Variants in ABCC4 observed in about 807,000 individuals in gnomAD.
ABCC4 encodes the protein ATP binding cassette subfamily C member 4 (PEL blood group), also known as ATP-binding cassette sub-family C member 4.
ABCC4 carries 102 observed loss-of-function variants against 168.5 expected under a neutral mutation model. The ratio of observed to expected loss-of-function variants is 0.61; its 90% CI spans 0.52 to 0.71. ABCC4 has a LOEUF of 0.71. ABCC4 is among the 30% of genes least tolerant of loss of function. The pLI is 0.00. For missense variants in ABCC4, 1,402 were observed against 1,605.8 expected, an observed-to-expected ratio of 0.87 and a Z score of 2.17; for synonymous variants, 617 against 590.7, an observed-to-expected ratio of 1.04 and a Z score of -0.65.
chr13:95,279,526 C>T (rs992297292), intron 1 of ABCC4, among the ~76,000 whole-genome samples: 13 of 152,164 alleles, frequency 8.5e-5, no homozygotes, highest in African/African-American at 2.9e-4. Flanking sequence ...AAGTCTCAAC[C>T]GGTCCTAGAG....
rs764185727 is a variant in ABCC4 at position 95,105,271 on chromosome 13, G to A, written c.2535+10651C>T. On this transcript the variant is annotated intron_variant, in intron 20 of 30. Coordinates refer to ENST00000645237, the MANE Select transcript of ABCC4 (RefSeq NM_005845.5). ...CAGGAGGCAGAGGTCAGGCGGTAAC[G>A]TGAGTGATGGGGAGCAAGCTTTGTT... is the stretch of plus-strand genomic sequence containing the variant. 2.6e-5 allele frequency among the ~76,000 whole-genome samples: 4 copies of A among 152,030 alleles called. No individual in the cohort carries two copies. In the East Asian group the frequency reaches 5.8e-4, roughly 22 times the overall value.
intron 20 of ABCC4, among the ~76,000 whole-genome samples, chr13:95,104,787 G>A (rs930671228): frequency 1.3e-5 from 2 of 152,156 alleles, no homozygotes; most frequent in African/African-American, 2.4e-5. Flanking sequence ...AATGGGGTCC[G>A]CCAGAGGCAG....
chr13:95,173,693 G>A (rs139840762), intron 13 of ABCC4, among the ~76,000 whole-genome samples: 1 of 152,190 alleles, frequency 6.6e-6, no homozygotes, highest in Non-Finnish European at 1.5e-5. Flanking sequence ...GAGTCCTAGA[G>A]GACCTGAAAG....
At chr13:95,251,337 CTCCTCTT>C (rs2040253734) in intron 1 of ABCC4, among the ~76,000 whole-genome samples, 1 of 152,108 alleles carries the variant, frequency 6.6e-6, no homozygotes, top group African/African-American at 2.4e-5. Context: ...TTCTCTTCTC[CTCCTCTT>C]TCCTGACCTT....
chr13:95,080,177 T>C (rs1259913570), intron 21 of ABCC4, among the ~76,000 whole-genome samples: 1 of 152,162 alleles, frequency 6.6e-6, no homozygotes, highest in East Asian at 1.9e-4. Context: ...ACACATGGGT[T>C]CACACTCATG....
chr13:95,237,922 C>T (rs2039819579), intron 3 of ABCC4, among the ~76,000 whole-genome samples: 1 of 151,954 alleles, frequency 6.6e-6, no homozygotes, highest in Non-Finnish European at 1.5e-5. Flanking sequence ...CAGCCAGGCG[C>T]GGTGGCTCCC....
At chr13:95,071,594 G>T in intron 25 of ABCC4, 68 bp downstream of exon 25, 1 of 1,315,258 alleles carries the variant, frequency 7.6e-7, no homozygotes, top group South Asian at 2.2e-5. Context: ...CATCCACAAG[G>T]AAGACAACAA....
chr13:95,111,442 TTATGA>T (rs1290102891), intron 20 of ABCC4, among the ~76,000 whole-genome samples: 11 of 152,236 alleles, frequency 7.2e-5, no homozygotes, highest in Non-Finnish European at 1.5e-4. Context: ...TATTTATATC[TTATGA>T]TATATTCAAA....
chr13:95,119,181 C>A (rs2035478094), intron 19 of ABCC4, among the ~76,000 whole-genome samples: 1 of 152,182 alleles, frequency 6.6e-6, no homozygotes, highest in Non-Finnish European at 1.5e-5. Context: ...TTTGGACTCA[C>A]ATTTAATGTA....
rs565330741 is a variant in ABCC4 at position 95,224,491 on chromosome 13, C to T, written c.531+10119G>A. 3.3e-5 allele frequency among the ~76,000 whole-genome samples: 5 copies of T among 152,286 alleles called. No individual in the cohort carries two copies. The South Asian group carries it at 1.0e-3, about 32-fold the overall frequency. The stretch of plus-strand genomic sequence containing the variant: ...GTGGCTCACGCCTGTAATCCCAGCA[C>T]TTTGGGAGGCCAAGGCAGGCAGATC... On this transcript the variant is annotated intron_variant, in intron 4 of 30. Coordinates refer to ENST00000645237, the MANE Select transcript of ABCC4 (RefSeq NM_005845.5).
chr13:95,175,460 C>T (rs1260652859), intron 13 of ABCC4, among the ~76,000 whole-genome samples: 5 of 152,052 alleles, frequency 3.3e-5, no homozygotes, highest in Non-Finnish European at 5.9e-5. Context: ...TTACAGGCAC[C>T]CGCCACCATC....
At chr13:95,083,339 C>A in intron 20 of ABCC4, 49 bp from the exon 21 acceptor site, 2 of 1,596,938 alleles carry the variant, frequency 1.3e-6, no homozygotes, top group South Asian at 2.2e-5. Flanking sequence ...GTATTCTTTT[C>A]AAAAATACTT....
chr13:95,285,100 A>G (rs1442614029), intron 1 of ABCC4, among the ~76,000 whole-genome samples: 2 of 152,038 alleles, frequency 1.3e-5, no homozygotes, highest in African/African-American at 4.8e-5. Flanking sequence ...AAACAAAAGT[A>G]AGCCAGACAT....
intron 1 of ABCC4, among the ~76,000 whole-genome samples, chr13:95,287,036 C>T (rs187078980): frequency 7.2e-4 from 109 of 151,814 alleles, no homozygotes; most frequent in South Asian, 4.0e-3. Context: ...CGATGGCTCA[C>T]GCCTGTAACT....
chr13:95,223,278 G>A (rs2039355315), intron 4 of ABCC4, among the ~76,000 whole-genome samples: 1 of 152,044 alleles, frequency 6.6e-6, no homozygotes. Flanking sequence ...AGACATGCAA[G>A]AAAGAAAATT....
intron 19 of ABCC4, among the ~76,000 whole-genome samples, chr13:95,133,765 G>A (rs1363006908): frequency 6.6e-6 from 1 of 152,238 alleles, no homozygotes; most frequent in South Asian, 2.1e-4. Context: ...GGCAGAGAAG[G>A]GTGCTGAAGG....
intron 26 of ABCC4, chr13:95,053,698 C>T (rs147297906): frequency 0.011 from 1,841 of 163,098 alleles, 33 homozygotes; most frequent in African/African-American, 0.039. Flanking sequence ...AATCTCTCAC[C>T]GGGCGCAGTG....
At chr13:95,107,256 C>CA (rs1336115837) in intron 20 of ABCC4, among the ~76,000 whole-genome samples, 1 of 151,834 alleles carries the variant, frequency 6.6e-6, no homozygotes, top group Non-Finnish European at 1.5e-5. Flanking sequence ...AAACTCCTCT[C>CA]AAAAAAACAA....
chr13:95,187,394 C>T (rs1405281690), intron 10 of ABCC4, among the ~76,000 whole-genome samples: 1 of 151,982 alleles, frequency 6.6e-6, no homozygotes, highest in Admixed American at 6.6e-5. Flanking sequence ...GACTTGAGGC[C>T]AGGAGTTCGA....
Sources: gnomAD v4.1 joint callset for allele counts (sites outside exome capture counted in the v4.1 genomes callset) on GRCh38, gnomAD v4.1.1 for gene constraint, MANE v1.5 for transcripts, NCBI Gene and HGNC (gene_info 2026-07-23, HGNC 2026-07-21) for gene names.